Variants in GABBR2 observed in about 807,000 individuals in gnomAD.
The protein encoded by GABBR2 is G-protein coupled receptor 51.
In GABBR2, 23 loss-of-function variants were observed where a neutral mutation model predicts 105.6. That is an observed-to-expected ratio of 0.22 (90% CI 0.16 to 0.31). The LOEUF (loss-of-function observed/expected upper bound fraction) is 0.31. Among genes scored for constraint, GABBR2 ranks in the 10% least tolerant of loss-of-function variants. The pLI, the probability that GABBR2 is intolerant of heterozygous loss-of-function variation, is 1.00. For missense variants in GABBR2, 734 were observed against 1,245.5 expected, an observed-to-expected ratio of 0.59 and a Z score of 6.18; for synonymous variants, 478 against 499.7, an observed-to-expected ratio of 0.96 and a Z score of 0.58.
intron 1 of GABBR2, among the ~76,000 whole-genome samples, chr9:98,628,742 G>T (rs1305898773): frequency 6.6e-6 from 1 of 152,092 alleles, no homozygotes; most frequent in Non-Finnish European, 1.5e-5. Flanking sequence ...TTCTCGAGAT[G>T]TTTTTCCCTA....
chr9:98,496,550 G>A, intron 3 of GABBR2, 36 bp from the exon 4 acceptor site: 1 of 1,419,784 alleles, frequency 7.0e-7, no homozygotes, highest in East Asian at 2.3e-5. Context: ...TGGGTGTGCT[G>A]GGGACCACAG....
At chr9:98,401,810 G>T (rs555253790) in intron 8 of GABBR2, among the ~76,000 whole-genome samples, 2 of 152,312 alleles carry the variant, frequency 1.3e-5, no homozygotes, top group African/African-American at 4.8e-5. Context: ...CATAAGCACT[G>T]GCATTCGGCC....
intron 7 of GABBR2, among the ~76,000 whole-genome samples, chr9:98,407,554 A>G (rs1354505372): frequency 6.6e-6 from 1 of 152,220 alleles, no homozygotes; most frequent in African/African-American, 2.4e-5. Context: ...GAAAATCACA[A>G]AACACCTTCT....
intron 1 of GABBR2, among the ~76,000 whole-genome samples, chr9:98,600,143 T>C (rs1311365728): frequency 2.0e-5 from 3 of 152,134 alleles, no homozygotes; most frequent in Non-Finnish European, 1.5e-5. Context: ...GGAAGGGCTG[T>C]GCAGCCCCCC....
chr9:98,570,756 AG>A (rs1449751214), intron 2 of GABBR2, among the ~76,000 whole-genome samples: 1 of 152,182 alleles, frequency 6.6e-6, no homozygotes, highest in African/African-American at 2.4e-5. Flanking sequence ...TTAGAAAACC[AG>A]GGGGCGGGGG....
At position 98,290,081 on chromosome 9, in the gene GABBR2, T is replaced by C. The variant is rs1204982983; in HGVS notation, c.*503A>G. Reference sequence around the variant, plus strand: ...GGCTGGGGTCAGCTGGCCTGGCAGCTGGGGGCCTGGTGGCCCTTCCCACCT... The same window carrying C: ...GGCTGGGGTCAGCTGGCCTGGCAGCCGGGGGCCTGGTGGCCCTTCCCACCT... On this transcript the variant is annotated 3_prime_UTR_variant, in exon 19 of 19. Coordinates refer to ENST00000259455, the MANE Select transcript of GABBR2 (RefSeq NM_005458.8). The C allele has an allele frequency of 6.6e-6, 1 of 152,490 alleles. No individual in the cohort carries two copies. Among genetic ancestry groups the C allele is most frequent in the African/African-American group, 2.4e-5 (1 of 41,446 alleles). 9.4% of individuals were successfully genotyped at this position (152,490 alleles called of 1,614,324 possible).
At chr9:98,569,835 C>A (rs1828802761) in intron 2 of GABBR2, among the ~76,000 whole-genome samples, 1 of 152,158 alleles carries the variant, frequency 6.6e-6, no homozygotes, top group Non-Finnish European at 1.5e-5. Context: ...AAGCAACAAG[C>A]AATCTTTTGA....
rs1209495088 is a variant in GABBR2 at position 98,514,156 on chromosome 9, A to G, written c.631-17642T>C. Reference sequence around the variant, plus strand: ...ATTCTCAGTAAACTATCGCAAGAACAAAAAACCAAACACCGCATATTCTCA... The same window carrying G: ...ATTCTCAGTAAACTATCGCAAGAACGAAAAACCAAACACCGCATATTCTCA... On this transcript the variant is annotated intron_variant, in intron 3 of 18. Transcript: ENST00000259455. Among the ~76,000 whole-genome samples the G allele has an allele frequency of 1.2e-3, 161 of 133,610 alleles. 28 individuals are homozygous for G. The highest frequency in any genetic ancestry group is 2.1e-3 in the Non-Finnish European group (123 of 58,200). 87.7% of individuals were successfully genotyped at this position (133,610 alleles called of 152,430 possible). A position where few individuals can be genotyped will look rare whatever the true frequency, so the allele number is the denominator to read the frequency against.
At chr9:98,445,059 G>A (rs186570705) in intron 7 of GABBR2, among the ~76,000 whole-genome samples, 339 of 152,322 alleles carry the variant, frequency 2.2e-3, no homozygotes, top group Non-Finnish European at 4.0e-3. Context: ...TAGATGCCTG[G>A]AAGGCAACAG....
At chr9:98,379,014 G>C (rs184221110) in intron 11 of GABBR2, among the ~76,000 whole-genome samples, 2,030 of 152,270 alleles carry the variant, frequency 0.013, 22 homozygotes, top group Middle Eastern at 0.027. Context: ...GGCTTCTTAG[G>C]CCAGATTCCA....
chr9:98,680,561 G>A (rs796704479), intron 1 of GABBR2, among the ~76,000 whole-genome samples: 73 of 151,864 alleles, frequency 4.8e-4, no homozygotes, highest in African/African-American at 1.7e-3. Flanking sequence ...CGCCCACCTC[G>A]GCCTCCCAAA....
At chr9:98,601,497 A>T (rs1829335471) in intron 1 of GABBR2, among the ~76,000 whole-genome samples, 3 of 152,244 alleles carry the variant, frequency 2.0e-5, no homozygotes, top group Admixed American at 6.5e-5. Context: ...AACCTGGAGG[A>T]TGAAGCGAGA....
At chr9:98,390,375 C>CAAAAAAAA (rs61216428) in intron 9 of GABBR2, among the ~76,000 whole-genome samples, 792 of 32,410 alleles carry the variant, frequency 0.024, 179 homozygotes, top group African/African-American at 0.075. Context: ...CTCCATCTCA[C>CAAAAAAAA]AAAAAAAAAA....
At chr9:98,667,116 T>TA (rs770208400) in intron 1 of GABBR2, among the ~76,000 whole-genome samples, 7 of 152,094 alleles carry the variant, frequency 4.6e-5, no homozygotes, top group Non-Finnish European at 1.0e-4. Flanking sequence ...GCCCACCCAG[T>TA]AAGCCATTTA....
intron 1 of GABBR2, among the ~76,000 whole-genome samples, chr9:98,611,748 C>T (rs1348115448): frequency 6.6e-6 from 1 of 152,248 alleles, no homozygotes; most frequent in Non-Finnish European, 1.5e-5. Context: ...ACTCCCACCA[C>T]CGGGTACCTT....
intron 9 of GABBR2, 72 bp downstream of exon 9, chr9:98,394,102 TA>T: frequency 9.3e-7 from 1 of 1,077,122 alleles, no homozygotes; most frequent in Non-Finnish European, 1.4e-6. Flanking sequence ...AGCTTGTCCC[TA>T]ACCCTTAGAC....
chr9:98,519,208 G>A (rs527409667), intron 3 of GABBR2, among the ~76,000 whole-genome samples: 1 of 152,348 alleles, frequency 6.6e-6, no homozygotes, highest in African/African-American at 2.4e-5. Context: ...TAATGGCCTG[G>A]CTCAGTCAGC....
chr9:98,493,667 C>T (rs1453516597), intron 4 of GABBR2, among the ~76,000 whole-genome samples: 1 of 152,212 alleles, frequency 6.6e-6, no homozygotes, highest in East Asian at 1.9e-4. Context: ...ACCTCCTTCT[C>T]CATCTTATCC....
In GABBR2 at chr9:98,480,920, T is replaced by A. The variant is rs1416677848; in HGVS notation, c.798+12A>T. On this transcript the variant is annotated intron_variant, in intron 5 of 18. Coordinates refer to ENST00000259455, the MANE Select transcript of GABBR2 (RefSeq NM_005458.8). ...TCCCCAAAGACACGAATGATACAAC[T>A]GTTTTACTTACACAACAGAACACTT... is the stretch of plus-strand genomic sequence containing the variant. 6.6e-7 allele frequency: 1 copy of A among 1,520,246 alleles called. No homozygotes were observed. The highest frequency in any genetic ancestry group is 1.1e-5 in the South Asian group (1 of 89,144). 94.2% of individuals were successfully genotyped at this position (1,520,246 alleles called of 1,614,324 possible).
Sources: gnomAD v4.1 joint callset for allele counts (sites outside exome capture counted in the v4.1 genomes callset) on GRCh38, gnomAD v4.1.1 for gene constraint, MANE v1.5 for transcripts, NCBI Gene and HGNC (gene_info 2026-07-23, HGNC 2026-07-21) for gene names.